Variants in GRID2 observed in about 807,000 individuals in gnomAD.
GRID2 encodes glutamate ionotropic receptor delta type subunit 2.
GRID2 carries 33 observed loss-of-function variants against 114.8 expected under a neutral mutation model. The observed-to-expected ratio is 0.29, with a 90% CI of 0.22 to 0.38. The LOEUF (loss-of-function observed/expected upper bound fraction) is 0.38. Among genes scored for constraint, GRID2 ranks in the 10% least tolerant of loss-of-function variants. The pLI is 1.00. For synonymous variants in GRID2, 505 were observed against 449.9 expected (o/e 1.12, Z -1.55); for missense variants, 1,184 against 1,257.7 (o/e 0.94, Z 0.89).
At chr4:92,693,765 T>C (rs1441020451) in intron 2 of GRID2, among the ~76,000 whole-genome samples, 1 of 152,220 alleles carries the variant, frequency 6.6e-6, no homozygotes, top group African/African-American at 2.4e-5. Flanking sequence ...ATCAATTTCA[T>C]GGAACTTAAA....
chr4:93,462,746 T>C (rs1037358033), intron 11 of GRID2, among the ~76,000 whole-genome samples: 1 of 152,066 alleles, frequency 6.6e-6, no homozygotes, highest in African/African-American at 2.4e-5. Context: ...ATATCAAATA[T>C]ATGAAACTTA....
At chr4:93,113,575 A>G (rs1230000246) in intron 4 of GRID2, among the ~76,000 whole-genome samples, 1 of 152,234 alleles carries the variant, frequency 6.6e-6, no homozygotes, top group African/African-American at 2.4e-5. Flanking sequence ...GGCACTAGCG[A>G]TACAATGACA....
chr4:93,401,819 A>C (rs1325008714), intron 9 of GRID2, among the ~76,000 whole-genome samples: 1 of 152,082 alleles, frequency 6.6e-6, no homozygotes, highest in East Asian at 1.9e-4. Flanking sequence ...TCACCAAAGG[A>C]AGGATTGTTT....
intron 7 of GRID2, among the ~76,000 whole-genome samples, chr4:93,235,047 T>A (rs532135217): frequency 6.6e-6 from 1 of 152,236 alleles, no homozygotes; most frequent in South Asian, 2.1e-4. Context: ...CTCAGTAATT[T>A]TTTTTTTACT....
chr4:92,373,549 A>G (rs1276347786), intron 1 of GRID2, among the ~76,000 whole-genome samples: 1 of 152,194 alleles, frequency 6.6e-6, no homozygotes, highest in Non-Finnish European at 1.5e-5. Flanking sequence ...AAATGTCACG[A>G]CAAAATAATT....
chr4:92,560,101 GA>G (rs907756452), intron 1 of GRID2, among the ~76,000 whole-genome samples: 2 of 152,098 alleles, frequency 1.3e-5, no homozygotes, highest in African/African-American at 4.8e-5. Flanking sequence ...CTAAATGAGG[GA>G]CATATCTCCT....
At chr4:92,338,691 G>A (rs893610671) in intron 1 of GRID2, among the ~76,000 whole-genome samples, 1 of 152,116 alleles carries the variant, frequency 6.6e-6, no homozygotes, top group Non-Finnish European at 1.5e-5. Flanking sequence ...GTTCCTAAAT[G>A]TCATAAAAAC....
At chr4:92,629,912 T>G (rs1241677268) in intron 2 of GRID2, among the ~76,000 whole-genome samples, 1 of 147,732 alleles carries the variant, frequency 6.8e-6, no homozygotes, top group Non-Finnish European at 1.5e-5. Flanking sequence ...TTATAAATTA[T>G]ATAATTATAT....
intron 2 of GRID2, among the ~76,000 whole-genome samples, chr4:93,011,875 A>T (rs982671141): frequency 6.6e-6 from 1 of 152,036 alleles, no homozygotes; most frequent in African/African-American, 2.4e-5. Flanking sequence ...TTGTCATTTA[A>T]GCTTCCTAAA....
At chr4:93,704,454 C>T (rs951186191) in intron 14 of GRID2, among the ~76,000 whole-genome samples, 2 of 152,254 alleles carry the variant, frequency 1.3e-5, no homozygotes, top group Admixed American at 1.3e-4. Context: ...GTTGCCTGTT[C>T]ACTCTGATGG....
rs778532322 is a variant in GRID2 at position 93,050,717 on chromosome 4, G to A, written c.245-34278G>A. ...TTGTAAGCAATTGCCTCTCATTTGA[G>A]ACTGGATAGTCCTGTCCTAGATGAA... On this transcript the variant is annotated intron_variant, in intron 2 of 15. Transcript: ENST00000282020. Among the ~76,000 whole-genome samples, 34 of 152,078 alleles carry A rather than the reference G, an allele frequency of 2.2e-4. 1 individual carries two copies. The Middle Eastern group carries it at 0.024, about 106-fold the overall frequency.
chr4:93,282,462 G>C lies in GRID2; in HGVS notation c.1245+43972G>C. On this transcript the variant is annotated intron_variant, in intron 8 of 15. Coordinates refer to ENST00000282020, the MANE Select transcript of GRID2 (RefSeq NM_001510.4). Reference sequence around the variant, plus strand: ...CATCATCTTATGGAAGAAAACATAAGAGCAGAAGACCGTACAAAAAGGGGA... The same window carrying C: ...CATCATCTTATGGAAGAAAACATAACAGCAGAAGACCGTACAAAAAGGGGA... The C allele has an allele frequency of 9.8e-6, 4 of 409,054 alleles. 1 individual carries two copies. Among genetic ancestry groups the C allele is most frequent in the South Asian group, 3.6e-5 (2 of 55,090 alleles). 25.3% of individuals were successfully genotyped at this position (409,054 alleles called of 1,614,324 possible). A position where few individuals can be genotyped will look rare whatever the true frequency, so the allele number is the denominator to read the frequency against.
intron 14 of GRID2, among the ~76,000 whole-genome samples, chr4:93,768,493 G>A (rs1322822051): frequency 3.9e-5 from 6 of 152,206 alleles, no homozygotes; most frequent in Non-Finnish European, 8.8e-5. Flanking sequence ...AGAAGAAAAA[G>A]AAGAGGGTTT....
chr4:93,345,341 T>G (rs1760111248), intron 8 of GRID2, among the ~76,000 whole-genome samples: 1 of 152,174 alleles, frequency 6.6e-6, no homozygotes. Flanking sequence ...GTAGCCACTC[T>G]CTCTGGTGCA....
intron 1 of GRID2, among the ~76,000 whole-genome samples, chr4:92,369,935 A>T (rs1729041469): frequency 6.6e-6 from 1 of 152,192 alleles, no homozygotes; most frequent in Non-Finnish European, 1.5e-5. Context: ...TATGTAGCAA[A>T]CACTGGGGCT....
chr4:92,600,230 A>G (rs1443001100), intron 2 of GRID2, among the ~76,000 whole-genome samples: 5 of 151,564 alleles, frequency 3.3e-5, no homozygotes, highest in Middle Eastern at 3.2e-3. Flanking sequence ...TTGAATGTAT[A>G]CTTATACAAA....
At chr4:93,448,342 A>G (rs1722290084) in intron 10 of GRID2, among the ~76,000 whole-genome samples, 1 of 151,954 alleles carries the variant, frequency 6.6e-6, no homozygotes, top group Non-Finnish European at 1.5e-5. Context: ...AGAAAAACCT[A>G]CCAAAGAAAA....
intron 1 of GRID2, among the ~76,000 whole-genome samples, chr4:93,785,532 A>G (rs540189570): frequency 2.0e-5 from 3 of 152,230 alleles, no homozygotes; most frequent in Non-Finnish European, 4.4e-5. Flanking sequence ...AAAGAAGTCA[A>G]GCTGATAAAA....
At chr4:93,289,439 G>T (rs1340296123) in intron 8 of GRID2, among the ~76,000 whole-genome samples, 2 of 152,110 alleles carry the variant, frequency 1.3e-5, no homozygotes, top group Non-Finnish European at 2.9e-5. Context: ...ACCTTATCGG[G>T]ATGCCGTAGG....
Sources: allele counts gnomAD v4.1 joint callset (sites outside exome capture counted in the v4.1 genomes callset), GRCh38; gene constraint gnomAD v4.1.1; transcripts MANE v1.5; gene names NCBI Gene and HGNC (gene_info 2026-07-23, HGNC 2026-07-21).